The following PSD2 variants were observed in gnomAD, a reference collection of about 807,000 sequenced individuals.
PSD2 encodes PH and SEC7 domain-containing protein 2.
Under a neutral mutation model 69.8 loss-of-function variants are expected in PSD2, and 38 were observed. The observed-to-expected ratio is 0.54, with a 90% CI of 0.42 to 0.71. The LOEUF (loss-of-function observed/expected upper bound fraction) is 0.71, where lower values mean the gene tolerates loss of function less well. PSD2 is among the 30% of genes least tolerant of loss of function. The pLI, the probability that PSD2 is intolerant of heterozygous loss-of-function variation, is 0.00. For missense variants in PSD2, 943 were observed against 1,014.5 expected, an observed-to-expected ratio of 0.93 and a Z score of 0.96; for synonymous variants, 412 against 423.0, an observed-to-expected ratio of 0.97 and a Z score of 0.32.
At chr5:139,769,577 A>G in the PSD2 span, among the ~76,000 whole-genome samples, 3 of 151,968 alleles carry the variant, frequency 2.0e-5, no homozygotes, top group African/African-American at 4.8e-5. Context: ...AACCTCACCT[A>G]TGGGCAGGGG....
intron 1 of PSD2, among the ~76,000 whole-genome samples, chr5:139,806,806 GTTCTGGCTCAGCTAC>G (rs1405916986): frequency 6.6e-6 from 1 of 152,218 alleles, no homozygotes. Context: ...AAGAGAGGGG[GTTCTGGCTCAGCTAC>G]TTCTGGGCTC....
chr5:139,750,491 A>G, the PSD2 span, among the ~76,000 whole-genome samples: 2 of 152,186 alleles, frequency 1.3e-5, no homozygotes, highest in Non-Finnish European at 2.9e-5. Flanking sequence ...TCCAAAGGGC[A>G]TGACCCTTCC....
the PSD2 span, among the ~76,000 whole-genome samples, chr5:139,782,628 G>A: frequency 6.6e-6 from 1 of 151,902 alleles, no homozygotes; most frequent in African/African-American, 2.4e-5. Context: ...AAGTAGCTGG[G>A]ACTACAGGCG....
chr5:139,809,414 C>T lies in PSD2; in HGVS notation c.-27C>T. ...AGGTCTAGAGGAGTCCCAGGAGCAG[C>T]CAGGACAGGCGGAAGCAGTGGCTGC... is the stretch of plus-strand genomic sequence containing the variant. On this transcript the variant is annotated 5_prime_UTR_variant, in exon 2 of 15. Coordinates refer to ENST00000274710, the MANE Select transcript of PSD2 (RefSeq NM_032289.4). 6.2e-7 allele frequency: 1 copy of T among 1,602,910 alleles called. No individual in the cohort carries two copies.
In PSD2 at chr5:139,837,145, A is replaced by G. The variant is rs1457033309; in HGVS notation, c.1595-23A>G. 2 of 1,612,922 alleles carry G rather than the reference A, an allele frequency of 1.2e-6. No individual in the cohort carries two copies. Among genetic ancestry groups the G allele is most frequent in the Non-Finnish European group, 1.7e-6 (2 of 1,179,202 alleles). On this transcript the variant is annotated intron_variant, in intron 10 of 14. Transcript: ENST00000274710. This position sits in a 1 kb window ranked among gnomAD's most constrained non-coding sequence, Gnocchi z 5.0. ...GACTGCAGAGGGTGGCTGCAGCCAC[A>G]CTACCAGTGCCCTCCTCCCCAGCGC... is the stretch of plus-strand genomic sequence containing the variant.
At chr5:139,799,813 G>A (rs1290687343) in intron 1 of PSD2, among the ~76,000 whole-genome samples, 1 of 152,164 alleles carries the variant, frequency 6.6e-6, no homozygotes, top group Non-Finnish European at 1.5e-5. Flanking sequence ...GAGAGATTTA[G>A]GAAGCAGAAC....
At chr5:139,771,599 C>T in the PSD2 span, among the ~76,000 whole-genome samples, 16 of 152,118 alleles carry the variant, frequency 1.1e-4, no homozygotes, top group Non-Finnish European at 2.4e-4. Flanking sequence ...AGGATGGTCT[C>T]GATTTCCTGA....
At chr5:139,754,552 T>G in the PSD2 span, among the ~76,000 whole-genome samples, 1 of 151,470 alleles carries the variant, frequency 6.6e-6, no homozygotes, top group African/African-American at 2.4e-5. Flanking sequence ...AAAAAATAGC[T>G]GGGGCGTGGT....
intron 7 of PSD2, among the ~76,000 whole-genome samples, chr5:139,830,626 C>CTCTT (rs56225945): frequency 0.4 from 38,999 of 97,538 alleles, 8,173 homozygotes; most frequent in Non-Finnish European, 0.43. Flanking sequence ...TTCTTTCTTT[C>CTCTT]TCTTTCTTTC....
the PSD2 span, among the ~76,000 whole-genome samples, chr5:139,765,923 C>G: frequency 6.6e-6 from 1 of 151,264 alleles, no homozygotes; most frequent in Non-Finnish European, 1.5e-5. Flanking sequence ...TGAGAGGACG[C>G]CGCTCTGGCC....
At chr5:139,748,909 G>GA in the PSD2 span, among the ~76,000 whole-genome samples, 7 of 152,108 alleles carry the variant, frequency 4.6e-5, no homozygotes, top group African/African-American at 1.7e-4. Flanking sequence ...GGGTATGTTG[G>GA]GGGGGGTGAA....
At chr5:139,772,912 T>C in the PSD2 span, 12 of 152,342 alleles carry the variant, frequency 7.9e-5, no homozygotes, top group African/African-American at 2.4e-4. Context: ...CTTCAGTGAC[T>C]AGCAACACAC....
chr5:139,806,869 C>T (rs564548275), intron 1 of PSD2, among the ~76,000 whole-genome samples: 72 of 152,304 alleles, frequency 4.7e-4, no homozygotes, highest in African/African-American at 1.5e-3. Context: ...CTGGGCCCCC[C>T]GCCCAGAGTA....
upstream of PSD2, among the ~76,000 whole-genome samples, chr5:139,792,003 A>G (rs548502670): frequency 6.6e-6 from 1 of 152,282 alleles, no homozygotes; most frequent in Admixed American, 6.5e-5. Flanking sequence ...CGTGAAGGGG[A>G]AGGCATCCCA....
At chr5:139,798,375 G>A (rs1436666203) in intron 1 of PSD2, among the ~76,000 whole-genome samples, 1 of 152,150 alleles carries the variant, frequency 6.6e-6, no homozygotes, top group Non-Finnish European at 1.5e-5. Context: ...CTCCAGCGCT[G>A]TGCCTGCCTG....
chr5:139,789,166 C>T, the PSD2 span, among the ~76,000 whole-genome samples: 1 of 152,230 alleles, frequency 6.6e-6, no homozygotes, highest in East Asian at 1.9e-4. Context: ...CTCTTTCATT[C>T]ATTCTTCGGT....
chr5:139,751,549 C>A, the PSD2 span, among the ~76,000 whole-genome samples: 6 of 152,186 alleles, frequency 3.9e-5, no homozygotes, highest in Admixed American at 3.9e-4. Flanking sequence ...ATTAGACAAA[C>A]CCAGGTTCAG....
Position 139,809,531 on chromosome 5 carries a change from C to T in PSD2, c.91C>T (p.Arg31Trp), listed in dbSNP as rs375011195. 5.1e-5 allele frequency: 82 copies of T among 1,613,152 alleles called. No homozygotes were observed. Among genetic ancestry groups the T allele is most frequent in the South Asian group, 9.9e-5 (9 of 90,948 alleles). ...AGAGCCTGAAGAGGAGCCAGGGGTC[C>T]GGAATGGGATGGCCAGTGAGGGCCT... ...GPEPEEEPGV[R>W]NGMASEGLNS... Residue 31 changes from arginine (R) to tryptophan (W), a missense_variant, in exon 2 of 15, where the codon CGG (arginine) becomes TGG (tryptophan). Transcript: ENST00000274710.
chr5:139,822,044 C>A, intron 6 of PSD2, 39 bp downstream of exon 6: 2 of 1,369,324 alleles, frequency 1.5e-6, no homozygotes, highest in Non-Finnish European at 2.1e-6. Context: ...CCTCCCCACC[C>A]ACTCAGCCAG....
Sources: gnomAD v4.1 joint callset for allele counts (sites outside exome capture counted in the v4.1 genomes callset) on GRCh38, gnomAD v4.1.1 for gene constraint, Gnocchi (gnomAD v3.1) non-coding constraint, MANE v1.5 for transcripts, NCBI Gene and HGNC (gene_info 2026-07-23, HGNC 2026-07-21) for gene names.